Variants in BCAS3 observed in about 807,000 individuals in gnomAD.
BCAS3 encodes the protein BCAS4/BCAS3 fusion.
In BCAS3, 53 loss-of-function variants were observed where a neutral mutation model predicts 116.1. That is an observed-to-expected ratio of 0.46 (90% CI 0.37 to 0.57). The LOEUF (loss-of-function observed/expected upper bound fraction) is 0.57, where lower values mean the gene tolerates loss of function less well. Among genes scored for constraint, BCAS3 ranks in the 20% least tolerant of loss-of-function variants. The pLI, the probability that BCAS3 is intolerant of heterozygous loss-of-function variation, is 0.00. For synonymous variants in BCAS3, 391 were observed against 408.2 expected (o/e 0.96, Z 0.51); for missense variants, 917 against 1,165.4 (o/e 0.79, Z 3.10).
chr17:60,762,679 C>A (rs540275812), intron 6 of BCAS3, among the ~76,000 whole-genome samples: 1 of 152,104 alleles, frequency 6.6e-6, no homozygotes, highest in Non-Finnish European at 1.5e-5. Context: ...CTTGGCAATG[C>A]GGGCTCTTTT....
At chr17:61,321,647 G>C (rs2055223037) in intron 22 of BCAS3, among the ~76,000 whole-genome samples, 2 of 152,180 alleles carry the variant, frequency 1.3e-5, no homozygotes, top group African/African-American at 4.8e-5. Context: ...TGACAGTTGG[G>C]TTGGCATTTG....
At chr17:61,030,191 A>G (rs781696925) in intron 16 of BCAS3, among the ~76,000 whole-genome samples, 71 of 152,218 alleles carry the variant, frequency 4.7e-4, no homozygotes, top group Non-Finnish European at 9.1e-4. Context: ...CTATTCTTTT[A>G]TGTTTTAAAA....
chr17:60,757,228 T>A (rs1169891687), intron 6 of BCAS3, among the ~76,000 whole-genome samples: 1 of 151,606 alleles, frequency 6.6e-6, no homozygotes, highest in Non-Finnish European at 1.5e-5. Flanking sequence ...AGGCAGGGAA[T>A]TGCTTGAACC....
chr17:61,370,426 G>T lies in BCAS3; in HGVS notation c.2593+1932G>T, dbSNP rs539335358. Among the ~76,000 whole-genome samples, 3 of 152,038 alleles carry T rather than the reference G, an allele frequency of 2.0e-5. No homozygotes were observed. In the East Asian group the frequency reaches 5.8e-4, roughly 29 times the overall value. ...TTTTTTTAAGGCGGAGTCTTGCTCT[G>T]TCACCAGACTGGAGTGCTATGGCAC... On this transcript the variant is annotated intron_variant, in intron 23 of 23. Transcript: ENST00000407086.
chr17:60,927,486 A>C (rs1006880131), intron 13 of BCAS3, among the ~76,000 whole-genome samples: 1 of 151,814 alleles, frequency 6.6e-6, no homozygotes, highest in Non-Finnish European at 1.5e-5. Context: ...CGATCTGTTG[A>C]CCTCGTGATC....
chr17:61,184,337 CAGA>C (rs931402238), intron 22 of BCAS3, among the ~76,000 whole-genome samples: 6 of 126,074 alleles, frequency 4.8e-5, no homozygotes, highest in African/African-American at 1.3e-4. Flanking sequence ...ACAAACACCA[CAGA>C]AGATTTTTAA....
chr17:60,683,832 A>C (rs2033618535), intron 2 of BCAS3, 150 bp from the exon 3 acceptor site: 1 of 675,168 alleles, frequency 1.5e-6, no homozygotes, highest in Non-Finnish European at 2.4e-6. Flanking sequence ...ACCTTGTCTC[A>C]AAACAAAACA....
chr17:61,201,007 C>A (rs2080782996), intron 22 of BCAS3, among the ~76,000 whole-genome samples: 1 of 150,538 alleles, frequency 6.6e-6, no homozygotes, highest in Non-Finnish European at 1.5e-5. Context: ...CAAGAAAGGA[C>A]AAATAGTATA....
In BCAS3 at chr17:61,215,416, C is replaced by G. The variant is rs576245137; in HGVS notation, c.2425+130852C>G. 5.3e-5 allele frequency among the ~76,000 whole-genome samples: 8 copies of G among 152,260 alleles called. No homozygotes were observed. The East Asian group carries it at 1.2e-3, about 22-fold the overall frequency. On this transcript the variant is annotated intron_variant, in intron 22 of 23. Coordinates refer to ENST00000407086, the MANE Select transcript of BCAS3 (RefSeq NM_017679.5). This position sits in a 1 kb window ranked among gnomAD's most constrained non-coding sequence, Gnocchi z 4.8. ...TTCAGTTTTGTATTTTGTGAAGCAT[C>G]TACACTAGATGATTCCTGTCCTCCC...
intron 22 of BCAS3, among the ~76,000 whole-genome samples, chr17:61,183,478 C>T (rs1271793407): frequency 1.3e-5 from 2 of 151,976 alleles, no homozygotes; most frequent in Non-Finnish European, 2.9e-5. Flanking sequence ...AAGCATTGTA[C>T]AAAGGACTCA....
In BCAS3 at chr17:61,265,636, C is replaced by T. The variant is rs2049625611; in HGVS notation, c.2426-102691C>T. Among the ~76,000 whole-genome samples the T allele has an allele frequency of 1.3e-5, 2 of 152,164 alleles. No homozygotes were observed. Among genetic ancestry groups the T allele is most frequent in the Non-Finnish European group, 1.5e-5 (1 of 68,028 alleles). On this transcript the variant is annotated intron_variant, in intron 22 of 23. Transcript: ENST00000407086. The surrounding 1 kb of genome is among the most constrained non-coding windows in gnomAD (Gnocchi z 4.3). ...CAATTCATGCCCAAACTTAGTGAAG[C>T]AAGCTCACTTGATAAAGAAATGAAT...
At chr17:61,035,956 T>C (rs2066996011) in intron 17 of BCAS3, among the ~76,000 whole-genome samples, 1 of 152,190 alleles carries the variant, frequency 6.6e-6, no homozygotes, top group South Asian at 2.1e-4. Flanking sequence ...TTCCGTTTAA[T>C]ATTTTTGGAC....
At chr17:61,284,934 T>G (rs1041736206) in intron 22 of BCAS3, among the ~76,000 whole-genome samples, 2 of 152,162 alleles carry the variant, frequency 1.3e-5, no homozygotes, top group Admixed American at 1.3e-4. Context: ...TAGTGCCTGT[T>G]GTTGAATGAA....
Position 61,078,230 on chromosome 17 carries a change from G to A in BCAS3, c.2131-103G>A, listed in dbSNP as rs2072215419. The A allele has an allele frequency of 1.1e-5, 10 of 870,598 alleles. No individual in the cohort carries two copies. The South Asian group carries it at 1.4e-4, about 13-fold the overall frequency. 53.9% of individuals were successfully genotyped at this position (870,598 alleles called of 1,614,324 possible). On this transcript the variant is annotated intron_variant, in intron 20 of 23. Coordinates refer to ENST00000407086, the MANE Select transcript of BCAS3 (RefSeq NM_017679.5). ...CTATCCCTTTGCCACTTTAACATGG[G>A]CTTCTTGAAGAATGTGGGTGTTAAG...
intron 14 of BCAS3, among the ~76,000 whole-genome samples, chr17:60,963,244 G>A (rs1231554966): frequency 6.9e-6 from 1 of 144,470 alleles, no homozygotes; most frequent in African/African-American, 2.9e-5. Flanking sequence ...TAAATGTTAA[G>A]ATTTTTTTTT....
intron 17 of BCAS3, among the ~76,000 whole-genome samples, chr17:61,036,021 T>C (rs2067001911): frequency 6.6e-6 from 1 of 152,208 alleles, no homozygotes; most frequent in African/African-American, 2.4e-5. Context: ...ACTGTAGTTA[T>C]TATCTTTCTA....
chr17:61,228,707 T>C lies in BCAS3; in HGVS notation c.2426-139620T>C, dbSNP rs566886476. Among the ~76,000 whole-genome samples, 5 of 152,352 alleles carry C rather than the reference T, an allele frequency of 3.3e-5. No individual in the cohort carries two copies. The highest frequency in any genetic ancestry group is 1.2e-4 in the African/African-American group (5 of 41,586). ...CAAACTTAATAAATGTTTTGCGTTCTGACTGCTCCACTGACCAGTTGTTCC... is the reference window on the plus strand; with the variant it reads ...CAAACTTAATAAATGTTTTGCGTTCCGACTGCTCCACTGACCAGTTGTTCC... On this transcript the variant is annotated intron_variant, in intron 22 of 23. Transcript: ENST00000407086. This position sits in a 1 kb window ranked among gnomAD's most constrained non-coding sequence, Gnocchi z 5.0.
At chr17:60,996,732 G>A (rs373247641) in intron 15 of BCAS3, among the ~76,000 whole-genome samples, 3 of 152,098 alleles carry the variant, frequency 2.0e-5, no homozygotes, top group African/African-American at 7.2e-5. Flanking sequence ...CACCTTGTAG[G>A]TAAGTGAGTA....
intron 22 of BCAS3, among the ~76,000 whole-genome samples, chr17:61,359,365 A>C (rs2058327422): frequency 6.6e-6 from 1 of 152,288 alleles, no homozygotes; most frequent in African/African-American, 2.4e-5. Context: ...GAATCTGGGC[A>C]GCCTCCATTC....
Sources: allele counts gnomAD v4.1 joint callset (sites outside exome capture counted in the v4.1 genomes callset), GRCh38; gene constraint gnomAD v4.1.1; non-coding constraint Gnocchi (gnomAD v3.1); transcripts MANE v1.5; gene names NCBI Gene and HGNC (gene_info 2026-07-23, HGNC 2026-07-21).